Variants in ADK observed in about 807,000 individuals in gnomAD.
ADK encodes the protein N6,N6-dimethyladenosine kinase.
Under a neutral mutation model 44.7 loss-of-function variants are expected in ADK, and 24 were observed. The observed-to-expected ratio is 0.54, with a 90% CI of 0.39 to 0.76. The LOEUF (loss-of-function observed/expected upper bound fraction) is 0.76, where lower values mean the gene tolerates loss of function less well. Among genes scored for constraint, ADK ranks in the 30% least tolerant of loss-of-function variants. The pLI is 0.00. For missense variants in ADK, 321 were observed against 425.1 expected, an observed-to-expected ratio of 0.76 and a Z score of 2.15; for synonymous variants, 128 against 142.6, an observed-to-expected ratio of 0.90 and a Z score of 0.73.
intron 6 of ADK, among the ~76,000 whole-genome samples, chr10:74,520,898 G>A (rs1392851711): frequency 6.6e-6 from 1 of 152,092 alleles, no homozygotes; most frequent in African/African-American, 2.4e-5. Flanking sequence ...CTAAGTGTTA[G>A]CATCTACTTT....
At chr10:74,294,026 A>T (rs1363507002) in intron 3 of ADK, among the ~76,000 whole-genome samples, 1 of 152,196 alleles carries the variant, frequency 6.6e-6, no homozygotes, top group Admixed American at 6.5e-5. Flanking sequence ...ATGGAATCAT[A>T]TAGTGTGTAC....
At chr10:74,304,655 T>A (rs1386946664) in intron 3 of ADK, among the ~76,000 whole-genome samples, 1 of 152,222 alleles carries the variant, frequency 6.6e-6, no homozygotes, top group Admixed American at 6.5e-5. Flanking sequence ...CAATGTTTAA[T>A]TATTTTAAAA....
chr10:74,436,432 AATC>A (rs767756572), intron 6 of ADK, among the ~76,000 whole-genome samples: 6 of 151,882 alleles, frequency 4.0e-5, no homozygotes, highest in Non-Finnish European at 8.8e-5. Flanking sequence ...AGTGGAATTG[AATC>A]ATCATAAAGG....
intron 6 of ADK, among the ~76,000 whole-genome samples, chr10:74,488,855 A>G (rs536720504): frequency 6.6e-6 from 1 of 152,024 alleles, no homozygotes; most frequent in African/African-American, 2.4e-5. Context: ...GAGATTGTCC[A>G]GATTCCAACC....
At chr10:74,684,789 CAT>C (rs1282310311) in intron 10 of ADK, among the ~76,000 whole-genome samples, 1 of 152,066 alleles carries the variant, frequency 6.6e-6, no homozygotes, top group Non-Finnish European at 1.5e-5. Flanking sequence ...AAAAATAAAA[CAT>C]GTCTTTGTAG....
In ADK at chr10:74,291,559, A is replaced by G. The variant is rs145655866; in HGVS notation, c.195-23108A>G. ...AAGCAAGCATAAACCATATGAAATT[A>G]TTTTATATGCAGGATGTACAGCAGT... On this transcript the variant is annotated intron_variant, in intron 3 of 10. Coordinates refer to ENST00000539909, the MANE Select transcript of ADK (RefSeq NM_006721.4). 1.5e-3 allele frequency among the ~76,000 whole-genome samples: 236 copies of G among 152,294 alleles called. 1 individual carries two copies. The highest frequency in any genetic ancestry group is 5.2e-3 in the African/African-American group (217 of 41,562).
chr10:74,231,024 G>T, intron 3 of ADK, among the ~76,000 whole-genome samples: 1 of 152,058 alleles, frequency 6.6e-6, no homozygotes, highest in South Asian at 2.1e-4. Context: ...TCCATTGCAA[G>T]ACTTGGTAAC....
At chr10:74,622,367 C>G (rs925653196) in intron 9 of ADK, among the ~76,000 whole-genome samples, 1 of 152,122 alleles carries the variant, frequency 6.6e-6, no homozygotes, top group Non-Finnish European at 1.5e-5. Flanking sequence ...CCTCTTCTCT[C>G]TGAGACCTTC....
At chr10:74,254,070 A>G (rs933549207) in intron 3 of ADK, among the ~76,000 whole-genome samples, 1 of 152,090 alleles carries the variant, frequency 6.6e-6, no homozygotes, top group African/African-American at 2.4e-5. Flanking sequence ...CCTGGCCTAC[A>G]CTGTCAGTAC....
chr10:74,358,690 T>A (rs1172972587), intron 4 of ADK, among the ~76,000 whole-genome samples: 1 of 152,214 alleles, frequency 6.6e-6, no homozygotes, highest in Non-Finnish European at 1.5e-5. Context: ...AAGACAAAGG[T>A]ATTAGAATTT....
intron 4 of ADK, among the ~76,000 whole-genome samples, chr10:74,348,271 A>G (rs562470328): frequency 1.3e-5 from 2 of 152,282 alleles, no homozygotes; most frequent in South Asian, 4.1e-4. Flanking sequence ...TGCAGCCTCC[A>G]TTGGTGATAC....
chr10:74,432,122 A>T (rs1845022177), intron 6 of ADK, among the ~76,000 whole-genome samples: 1 of 151,952 alleles, frequency 6.6e-6, no homozygotes, highest in Admixed American at 6.5e-5. Flanking sequence ...TGAGCCCAGG[A>T]GGTCAAGCCT....
chr10:74,243,694 C>T, intron 3 of ADK, among the ~76,000 whole-genome samples: 1 of 152,136 alleles, frequency 6.6e-6, no homozygotes, highest in African/African-American at 2.4e-5. Context: ...GAAATCCCGT[C>T]TCTACTAACA....
chr10:74,204,461 G>C (rs1843516094), intron 2 of ADK, among the ~76,000 whole-genome samples: 1 of 151,792 alleles, frequency 6.6e-6, no homozygotes, highest in Admixed American at 6.6e-5. Context: ...TTATATCCTG[G>C]GGATTACCCC....
chr10:74,522,685 T>C (rs1265274605), intron 6 of ADK, among the ~76,000 whole-genome samples: 1 of 152,188 alleles, frequency 6.6e-6, no homozygotes, highest in African/African-American at 2.4e-5. Context: ...ATGGAAATCG[T>C]TGGTCCCTCA....
chr10:74,593,053 T>C (rs1047331309), intron 8 of ADK, among the ~76,000 whole-genome samples: 5 of 152,170 alleles, frequency 3.3e-5, no homozygotes, highest in African/African-American at 1.2e-4. Flanking sequence ...TCAGGCAGTG[T>C]TGATTACCAA....
intron 3 of ADK, among the ~76,000 whole-genome samples, chr10:74,286,614 A>G (rs1438788916): frequency 6.6e-6 from 1 of 152,230 alleles, no homozygotes; most frequent in Non-Finnish European, 1.5e-5. Context: ...CAAGCTGATA[A>G]TCTTGCTAGA....
intron 3 of ADK, among the ~76,000 whole-genome samples, chr10:74,274,759 T>G (rs1230584539): frequency 1.5e-5 from 2 of 133,038 alleles, no homozygotes; most frequent in Admixed American, 7.7e-5. Flanking sequence ...CACACACACA[T>G]TATATATATA....
intron 6 of ADK, 149 bp from the exon 7 acceptor site, chr10:74,525,107 T>A (rs542571016): frequency 2.7e-6 from 2 of 733,324 alleles, no homozygotes; most frequent in African/African-American, 3.6e-5. Flanking sequence ...TGATCAAATA[T>A]CCTTCCAGTC....
Sources: gnomAD v4.1 joint callset for allele counts (sites outside exome capture counted in the v4.1 genomes callset) on GRCh38, gnomAD v4.1.1 for gene constraint, MANE v1.5 for transcripts, NCBI Gene and HGNC (gene_info 2026-07-23, HGNC 2026-07-21) for gene names.